Variants in AKT3 observed in about 807,000 individuals in gnomAD.
AKT3 encodes the protein AKT serine/threonine kinase 3, also known as RAC-gamma serine/threonine-protein kinase.
In AKT3, 15 loss-of-function variants were observed where a neutral mutation model predicts 65.3. The observed-to-expected ratio is 0.23, with a 90% confidence interval of 0.15 to 0.35. The LOEUF is 0.35. AKT3 is among the 10% of genes least tolerant of loss of function. AKT3 has a pLI of 1.00. For synonymous variants in AKT3, 206 were observed against 183.8 expected (o/e 1.12, Z -0.98); for missense variants, 243 against 576.5 (o/e 0.42, Z 5.92).
chr1:243,682,731 A>G (rs1684008172), intron 3 of AKT3, among the ~76,000 whole-genome samples: 1 of 152,194 alleles, frequency 6.6e-6, no homozygotes, highest in African/African-American at 2.4e-5. Context: ...ACTTACTTTG[A>G]CAAGATGAAA....
At chr1:243,600,036 A>G (rs2148572499) in intron 8 of AKT3, among the ~76,000 whole-genome samples, 1 of 152,260 alleles carries the variant, frequency 6.6e-6, no homozygotes, top group South Asian at 2.1e-4. Context: ...ATTTTTAATA[A>G]TGACTGATAA....
intron 2 of AKT3, among the ~76,000 whole-genome samples, chr1:243,793,053 C>T (rs1023891953): frequency 6.6e-6 from 1 of 152,072 alleles, no homozygotes; most frequent in Non-Finnish European, 1.5e-5. Context: ...GAGTAACACC[C>T]GAAGTGAAGC....
intron 10 of AKT3, among the ~76,000 whole-genome samples, chr1:243,559,358 G>C (rs894705066): frequency 6.6e-6 from 1 of 152,112 alleles, no homozygotes. Flanking sequence ...TACATTAGCA[G>C]TATTGTTAAA....
intron 2 of AKT3, among the ~76,000 whole-genome samples, chr1:243,819,584 A>T: frequency 6.6e-6 from 1 of 152,200 alleles, no homozygotes; most frequent in East Asian, 1.9e-4. Flanking sequence ...TGAGGAATCC[A>T]GGTAGTCCAG....
chr1:243,807,010 G>C (rs142910492), intron 2 of AKT3, among the ~76,000 whole-genome samples: 197 of 152,180 alleles, frequency 1.3e-3, no homozygotes, highest in African/African-American at 4.4e-3. Context: ...AAGGCTATTG[G>C]GAACAATCAT....
intron 2 of AKT3, among the ~76,000 whole-genome samples, chr1:243,730,112 T>C (rs2148140455): frequency 6.6e-6 from 1 of 152,290 alleles, no homozygotes; most frequent in South Asian, 2.1e-4. Context: ...GAATTTCCTT[T>C]ACGCCTTTCA....
intron 2 of AKT3, among the ~76,000 whole-genome samples, chr1:243,810,241 GT>G (rs770311661): frequency 6.6e-5 from 10 of 152,092 alleles, no homozygotes; most frequent in Admixed American, 1.3e-4. Context: ...CCAGGAGATG[GT>G]TTTTTGAAAA....
chr1:243,563,889 TCAA>T (rs1673971329), intron 9 of AKT3, 41 bp from the exon 10 acceptor site: 3 of 1,560,416 alleles, frequency 1.9e-6, no homozygotes, highest in East Asian at 2.3e-5. Context: ...TCTATAGTCT[TCAA>T]CAACATGAAA....
At chr1:243,623,840 T>G (rs1277595539) in intron 6 of AKT3, among the ~76,000 whole-genome samples, 3 of 152,234 alleles carry the variant, frequency 2.0e-5, no homozygotes, top group Non-Finnish European at 4.4e-5. Flanking sequence ...CTCTCTCATA[T>G]ATGTATATGT....
chr1:243,785,210 A>T (rs1370489948), intron 2 of AKT3, among the ~76,000 whole-genome samples: 2 of 151,190 alleles, frequency 1.3e-5, no homozygotes, highest in African/African-American at 4.9e-5. Context: ...CTGGGACTAC[A>T]GGCGCCAGCC....
chr1:243,768,635 T>C (rs957955860), intron 2 of AKT3, among the ~76,000 whole-genome samples: 1 of 151,992 alleles, frequency 6.6e-6, no homozygotes, highest in Admixed American at 6.6e-5. Flanking sequence ...AGGAGTTCGA[T>C]ACTAACCTGA....
chr1:243,745,919 C>T (rs757111593), intron 2 of AKT3, among the ~76,000 whole-genome samples: 2 of 152,128 alleles, frequency 1.3e-5, no homozygotes, highest in Non-Finnish European at 2.9e-5. Flanking sequence ...CTGCAGTACC[C>T]GTAGTATTCA....
At chr1:243,597,496 T>TTTTTG (rs549760765) in intron 8 of AKT3, among the ~76,000 whole-genome samples, 8 of 151,976 alleles carry the variant, frequency 5.3e-5, no homozygotes, top group South Asian at 2.1e-4. Flanking sequence ...ATACTATGCA[T>TTTTTG]TTTTGTTTTG....
At chr1:243,772,587 T>G (rs922384167) in intron 2 of AKT3, among the ~76,000 whole-genome samples, 6 of 152,226 alleles carry the variant, frequency 3.9e-5, no homozygotes, top group African/African-American at 1.4e-4. Context: ...ACACTGTTGG[T>G]GGCACTGTAA....
chr1:243,525,633 T>C (rs1466701286), intron 12 of AKT3, among the ~76,000 whole-genome samples: 2 of 146,042 alleles, frequency 1.4e-5, no homozygotes, highest in African/African-American at 5.1e-5. Flanking sequence ...TCTATGGGCT[T>C]GGAGCACATT....
chr1:243,532,975 C>T (rs1671645156), intron 12 of AKT3, among the ~76,000 whole-genome samples: 1 of 152,182 alleles, frequency 6.6e-6, no homozygotes, highest in South Asian at 2.1e-4. Context: ...CTTTCTATTT[C>T]TCTCAAGTCA....
chr1:243,514,786 A>G (rs1670243241), intron 12 of AKT3, among the ~76,000 whole-genome samples: 1 of 152,280 alleles, frequency 6.6e-6, no homozygotes, highest in East Asian at 1.9e-4. Flanking sequence ...AGATTATGCT[A>G]TTGCATTCCA....
At chr1:243,774,571 A>G (rs557229257) in intron 2 of AKT3, among the ~76,000 whole-genome samples, 2 of 152,180 alleles carry the variant, frequency 1.3e-5, no homozygotes, top group Non-Finnish European at 2.9e-5. Context: ...ATTTATTAAG[A>G]GTTGAAATTT....
chr1:243,552,650 G>T, intron 11 of AKT3, 79 bp downstream of exon 11: 1 of 1,307,768 alleles, frequency 7.6e-7, no homozygotes, highest in Non-Finnish European at 1.1e-6. Context: ...CTTGGAGTTA[G>T]TTATATTTGA....
Sources: gnomAD v4.1 joint callset for allele counts (sites outside exome capture counted in the v4.1 genomes callset) on GRCh38, gnomAD v4.1.1 for gene constraint, MANE v1.5 for transcripts, NCBI Gene and HGNC (gene_info 2026-07-23, HGNC 2026-07-21) for gene names.